The following RCAN2 variants were observed in gnomAD, a reference collection of about 807,000 sequenced individuals.
The protein encoded by RCAN2 is calcipressin-2.
Under a neutral mutation model 23.6 loss-of-function variants are expected in RCAN2, and 9 were observed. That is an observed-to-expected ratio of 0.38 (90% CI 0.23 to 0.67). RCAN2 has a LOEUF of 0.67. Among genes scored for constraint, RCAN2 ranks in the 30% least tolerant of loss-of-function variants. The pLI, the probability that RCAN2 is intolerant of heterozygous loss-of-function variation, is 0.51. For synonymous variants in RCAN2, 109 were observed against 115.7 expected (o/e 0.94, Z 0.37); for missense variants, 273 against 302.3 (o/e 0.90, Z 0.72).
chr6:46,452,577 A>G (rs1767911805), intron 2 of RCAN2, among the ~76,000 whole-genome samples: 1 of 152,188 alleles, frequency 6.6e-6, no homozygotes, highest in Non-Finnish European at 1.5e-5. Flanking sequence ...CCTAGAAATC[A>G]CACAAGTCAT....
chr6:46,297,767 GA>G (rs1438496359), intron 2 of RCAN2, among the ~76,000 whole-genome samples: 1 of 152,098 alleles, frequency 6.6e-6, no homozygotes, highest in African/African-American at 2.4e-5. Flanking sequence ...CTAAGACAGA[GA>G]ATTGTGTCAC....
intron 2 of RCAN2, among the ~76,000 whole-genome samples, chr6:46,375,580 T>C (rs1010753811): frequency 2.0e-5 from 3 of 152,230 alleles, no homozygotes; most frequent in Non-Finnish European, 4.4e-5. Flanking sequence ...ACATACTAAC[T>C]GCATCAGCCA....
chr6:46,339,029 A>G (rs1764225919), intron 2 of RCAN2, among the ~76,000 whole-genome samples: 1 of 150,864 alleles, frequency 6.6e-6, no homozygotes, highest in Non-Finnish European at 1.5e-5. Context: ...AAAAAAAAAA[A>G]AAAAAAAAAA....
intron 2 of RCAN2, among the ~76,000 whole-genome samples, chr6:46,395,620 A>C (rs1766066222): frequency 6.6e-6 from 1 of 152,200 alleles, no homozygotes; most frequent in South Asian, 2.1e-4. Flanking sequence ...CCACAAATAA[A>C]ATGAATGATT....
At chr6:46,241,470 C>A (rs1165274290) in intron 4 of RCAN2, among the ~76,000 whole-genome samples, 1 of 152,112 alleles carries the variant, frequency 6.6e-6, no homozygotes, top group Non-Finnish European at 1.5e-5. Flanking sequence ...TTGATCTGCA[C>A]GTCCTGCTGG....
At chr6:46,314,001 TGG>T (rs11367573) in intron 2 of RCAN2, among the ~76,000 whole-genome samples, 10 of 151,984 alleles carry the variant, frequency 6.6e-5, no homozygotes, top group South Asian at 4.1e-4. Context: ...CAACAAATAG[TGG>T]GGGGCTTTTA....
intron 2 of RCAN2, among the ~76,000 whole-genome samples, chr6:46,400,088 T>TGGGA (rs1381326934): frequency 6.6e-6 from 1 of 152,216 alleles, no homozygotes; most frequent in Non-Finnish European, 1.5e-5. Context: ...CCACCTCTGG[T>TGGGA]TTCCACCTCT....
Position 46,221,699 on chromosome 6 carries a change from T to A in RCAN2, c.*1442A>T. On this transcript the variant is annotated 3_prime_UTR_variant, in exon 5 of 5. Coordinates refer to ENST00000371374, the MANE Select transcript of RCAN2 (RefSeq NM_001251974.2). Reference sequence around the variant, plus strand: ...AACCACAACAATCCCTCAATCTGTTTGCTGTGTTATTGTTCTTGTGTGTTT... The same window carrying A: ...AACCACAACAATCCCTCAATCTGTTAGCTGTGTTATTGTTCTTGTGTGTTT... 5.3e-6 allele frequency: 2 copies of A among 380,732 alleles called. No individual in the cohort carries two copies. Among genetic ancestry groups the A allele is most frequent in the East Asian group, 7.5e-5 (2 of 26,740 alleles). 23.6% of individuals were successfully genotyped at this position (380,732 alleles called of 1,614,324 possible).
intron 2 of RCAN2, among the ~76,000 whole-genome samples, chr6:46,258,017 C>T (rs1867016): frequency 0.77 from 117,854 of 152,158 alleles, 45,949 homozygotes; most frequent in Non-Finnish European, 0.81. Flanking sequence ...TGATGCTATA[C>T]GCTTTATATA....
At chr6:46,412,281 T>C (rs534984391) in intron 2 of RCAN2, among the ~76,000 whole-genome samples, 2 of 152,250 alleles carry the variant, frequency 1.3e-5, no homozygotes, top group East Asian at 1.9e-4. Flanking sequence ...AAAACGAGCT[T>C]TCTGGTGGGA....
chr6:46,308,821 G>GA (rs892437523), intron 2 of RCAN2, among the ~76,000 whole-genome samples: 34 of 149,382 alleles, frequency 2.3e-4, no homozygotes, highest in Non-Finnish European at 3.4e-4. Context: ...CGAGGTTTCA[G>GA]AAAAAAAAAA....
At chr6:46,325,325 T>C (rs1176290600) in intron 2 of RCAN2, 2 of 1,570,214 alleles carry the variant, frequency 1.3e-6, no homozygotes, top group East Asian at 2.2e-5. Flanking sequence ...TATTTCTTCA[T>C]GCTAAAAAGG....
chr6:46,429,971 A>T (rs932474754), intron 2 of RCAN2, among the ~76,000 whole-genome samples: 7 of 152,152 alleles, frequency 4.6e-5, no homozygotes, highest in African/African-American at 1.7e-4. Flanking sequence ...GAGACAGAAG[A>T]CTCAGGAGTG....
At position 46,254,252 on chromosome 6, in the gene RCAN2, C is replaced by G. The variant is rs1039578586; in HGVS notation, c.226-5356G>C. ...CCCTCATGAGTCTATAAACCACACA[C>G]TGAACACTGCTGTACAACAGGATCT... On this transcript the variant is annotated intron_variant, in intron 2 of 4. Coordinates refer to ENST00000371374, the MANE Select transcript of RCAN2 (RefSeq NM_001251974.2). 2.6e-5 allele frequency among the ~76,000 whole-genome samples: 4 copies of G among 152,220 alleles called. 1 individual carries two copies. The highest frequency in any genetic ancestry group is 1.3e-4 in the Admixed American group (2 of 15,284).
intron 4 of RCAN2, among the ~76,000 whole-genome samples, chr6:46,236,521 C>T (rs917613290): frequency 6.6e-6 from 1 of 151,468 alleles, no homozygotes; most frequent in African/African-American, 2.4e-5. Context: ...GTTATTTCCT[C>T]TAGCAATGTG....
intron 2 of RCAN2, among the ~76,000 whole-genome samples, chr6:46,428,611 T>A (rs1226064237): frequency 1.3e-5 from 2 of 152,248 alleles, no homozygotes; most frequent in South Asian, 2.1e-4. Context: ...ATGCTTTGGA[T>A]ATTCAGGGCC....
At chr6:46,482,078 T>C (rs995592525) in intron 1 of RCAN2, among the ~76,000 whole-genome samples, 9 of 151,904 alleles carry the variant, frequency 5.9e-5, no homozygotes, top group Non-Finnish European at 1.2e-4. Flanking sequence ...TAAAAAACAC[T>C]TGGGGAAAAA....
At chr6:46,230,677 C>T (rs111834618) in intron 4 of RCAN2, among the ~76,000 whole-genome samples, 10,924 of 152,234 alleles carry the variant, frequency 0.072, 1,368 homozygotes, top group African/African-American at 0.25. Context: ...CCATCTGTCA[C>T]GGCTTCCCTT....
intron 1 of RCAN2, among the ~76,000 whole-genome samples, chr6:46,490,187 G>A (rs1769100242): frequency 6.6e-6 from 1 of 152,200 alleles, no homozygotes; most frequent in Non-Finnish European, 1.5e-5. Flanking sequence ...GATAAGTTGA[G>A]TGAAATTCTG....
Sources: allele counts gnomAD v4.1 joint callset (sites outside exome capture counted in the v4.1 genomes callset), GRCh38; gene constraint gnomAD v4.1.1; transcripts MANE v1.5; gene names NCBI Gene and HGNC (gene_info 2026-07-23, HGNC 2026-07-21).